The following EXOC7 variants were observed in gnomAD, a reference collection of about 807,000 sequenced individuals.
EXOC7 encodes the protein exocyst complex component Exo70.
In EXOC7, 51 loss-of-function variants were observed where a neutral mutation model predicts 87.6. The ratio of observed to expected loss-of-function variants is 0.58; its 90% confidence interval spans 0.46 to 0.73. The LOEUF is 0.73. Ranked by LOEUF, EXOC7 falls within the 30% of genes least tolerant of loss-of-function variation. EXOC7 has a pLI of 0.00. For synonymous variants in EXOC7, 327 were observed against 357.1 expected, an observed-to-expected ratio of 0.92 and a Z score of 0.95; for missense variants, 744 against 888.4, an observed-to-expected ratio of 0.84 and a Z score of 2.07.
At chr17:76,092,744 A>G (rs1304811168) in intron 6 of EXOC7, 1 of 152,170 alleles carries the variant, frequency 6.6e-6, no homozygotes, top group Non-Finnish European at 1.5e-5. Context: ...GCACGCCGGC[A>G]GGATGTGGGT....
chr17:76,085,354 G>A lies in EXOC7; in HGVS notation c.1672C>T (p.Arg558Trp), dbSNP rs1443635985. Residue 558 changes from arginine (R) to tryptophan (W), a missense_variant, in exon 15 of 19, where the codon CGG becomes TGG. Physicochemically the swap from Arg to Trp is moderately radical, Grantham distance 101. Coordinates refer to ENST00000589210, the MANE Select transcript of EXOC7 (RefSeq NM_001013839.4). ...TGGATCTGCTGCTCAATGTGCTCCC[G>A]GTAGGAGCGCTCAGCAGTCTTCTGT... ...VTQKTAERSY[R>W]EHIEQQIQTY... 5.0e-6 allele frequency: 8 copies of A among 1,609,466 alleles called. No homozygotes were observed. The highest frequency in any genetic ancestry group is 1.1e-5 in the South Asian group (1 of 90,172).
At chr17:76,101,112 A>G in intron 4 of EXOC7, 159 bp downstream of exon 4, 2 of 1,254,520 alleles carry the variant, frequency 1.6e-6, no homozygotes, top group Non-Finnish European at 2.0e-6. Flanking sequence ...AAAATGTGCA[A>G]TTCTTGAAGC....
chr17:76,089,402 C>G, intron 7 of EXOC7, 82 bp from the exon 8 acceptor site: 1 of 1,539,762 alleles, frequency 6.5e-7, no homozygotes, highest in Non-Finnish European at 8.9e-7. Flanking sequence ...CCCCCAGCTC[C>G]TGGCCTGTAC....
Position 76,082,754 on chromosome 17 carries a change from C to A in EXOC7, c.*894G>T. 8.6e-7 allele frequency: 1 copy of A among 1,162,522 alleles called. No homozygotes were observed. The highest frequency in any genetic ancestry group is 1.7e-5 in the South Asian group (1 of 59,348). The allele number at this position is 1,162,522 out of a possible 1,614,324, so 72.0% of individuals were successfully genotyped here. A position where few individuals can be genotyped will look rare whatever the true frequency, so the allele number is the denominator to read the frequency against. ...TCTGGATTAAGCCACCCTGAGCTCTCCCTCCGCTAGCACACAAGCACAGAG... is the reference window on the plus strand; with the variant it reads ...TCTGGATTAAGCCACCCTGAGCTCTACCTCCGCTAGCACACAAGCACAGAG... On this transcript the variant is annotated 3_prime_UTR_variant, in exon 19 of 19. Coordinates refer to ENST00000589210, the MANE Select transcript of EXOC7 (RefSeq NM_001013839.4).
chr17:76,092,267 ACCG>A (rs2067522760), intron 6 of EXOC7: 2 of 145,862 alleles, frequency 1.4e-5, no homozygotes, highest in African/African-American at 5.2e-5. Flanking sequence ...ACCGCACCGC[ACCG>A]CACAACACCA....
Position 76,083,378 on chromosome 17 carries a change from T to C in EXOC7, c.*270A>G, listed in dbSNP as rs961787413. The C allele has an allele frequency of 6.5e-6, 3 of 461,792 alleles. No homozygotes were observed. Among genetic ancestry groups the C allele is most frequent in the Non-Finnish European group, 1.2e-5 (3 of 250,986 alleles). 28.6% of individuals were successfully genotyped at this position (461,792 alleles called of 1,614,324 possible). ...AGGCCTCTGTCTTCCTTCTCTCTTT[T>C]CCTGTTTCAGAAGCCATCAGGGTCA... On this transcript the variant is annotated 3_prime_UTR_variant, in exon 19 of 19. Transcript: ENST00000589210.
Position 76,088,114 on chromosome 17 carries a change from C to T in EXOC7, c.1308G>A (p.Pro436=), listed in dbSNP as rs762794112. ...EDFADNIKND[P]DKEYNMPKDG... The stretch of plus-strand genomic sequence containing the variant: ...CCTTCGGCATGTTGTACTCCTTGTC[C>T]GGGTCATTCTGTGGAAAAACAGCCT... The change falls in exon 11 of 19, where the codon CCG becomes CCA. Residue 436 remains proline, a synonymous_variant. Transcript: ENST00000589210. The T allele has an allele frequency of 1.7e-5, 27 of 1,613,766 alleles. No homozygotes were observed. Among genetic ancestry groups the T allele is most frequent in the East Asian group, 1.1e-4 (5 of 44,884 alleles).
At chr17:76,093,526 C>A (rs1264949225) in intron 6 of EXOC7, 3 of 152,770 alleles carry the variant, frequency 2.0e-5, no homozygotes, top group African/African-American at 7.2e-5. Context: ...TTGTCATAAG[C>A]AGGTGCCACA....
At chr17:76,090,614 C>T (rs1471501564) in intron 7 of EXOC7, 2 of 786,022 alleles carry the variant, frequency 2.5e-6, no homozygotes, top group Middle Eastern at 3.5e-4. Flanking sequence ...CACCCAGGAC[C>T]GTCCTTAGCT....
At chr17:76,102,959 A>C (rs1001059185) in intron 2 of EXOC7, 1 of 171,072 alleles carries the variant, frequency 5.8e-6, no homozygotes, top group African/African-American at 2.4e-5. Context: ...TTCTTTCCCT[A>C]AAGTCCTCTG....
chr17:76,103,395 C>T lies in EXOC7; in HGVS notation c.92G>A (p.Ser31Asn). The T allele has an allele frequency of 6.2e-7, 1 of 1,607,816 alleles. No individual in the cohort carries two copies. The highest frequency in any genetic ancestry group is 8.5e-7 in the Non-Finnish European group (1 of 1,177,312). Residue 31 changes from serine to asparagine, a missense_variant, in exon 2 of 19, where the codon AGC becomes AAC. Coordinates refer to ENST00000589210, the MANE Select transcript of EXOC7 (RefSeq NM_001013839.4). ...EEETLSFIRD[S>N]LEKSDQLTKN... Reference sequence around the variant, plus strand: ...AGTGAGCTGGTCGCTCTTCTCCAGGCTGTCTCGGATGAAGGACAGAGTCTC... The same window carrying T: ...AGTGAGCTGGTCGCTCTTCTCCAGGTTGTCTCGGATGAAGGACAGAGTCTC...
rs1005207890 is a variant in EXOC7 at position 76,081,191 on chromosome 17, T to A, written c.*2457A>T. 1.9e-6 allele frequency: 3 copies of A among 1,560,196 alleles called. No individual in the cohort carries two copies. Among genetic ancestry groups the A allele is most frequent in the Admixed American group, 1.8e-5 (1 of 54,378 alleles). ...TGCCAAAAGCCATCAAAAGTCTCCA[T>A]CACCCCTGGGCTCCAGTCTGCTACC... On this transcript the variant is annotated 3_prime_UTR_variant, in exon 19 of 19. Transcript: ENST00000589210.
chr17:76,084,618 G>C, intron 15 of EXOC7, 38 bp from the exon 16 acceptor site: 1 of 1,589,414 alleles, frequency 6.3e-7, no homozygotes, highest in Non-Finnish European at 8.6e-7. Flanking sequence ...GCAGAGGGTG[G>C]CCTGCCTCAG....
chr17:76,086,371 A>G (rs1041012913), intron 12 of EXOC7, among the ~76,000 whole-genome samples: 1 of 152,196 alleles, frequency 6.6e-6, no homozygotes, highest in Non-Finnish European at 1.5e-5. Flanking sequence ...GAGCTGGCCC[A>G]TGTCAGCAGA....
intron 12 of EXOC7, chr17:76,086,862 T>C: frequency 6.4e-7 from 1 of 1,550,830 alleles, no homozygotes; most frequent in Non-Finnish European, 8.7e-7. Flanking sequence ...ACCTCGGGGG[T>C]CTAAAGGAAT....
chr17:76,100,035 G>A (rs553634272), intron 4 of EXOC7, among the ~76,000 whole-genome samples: 2 of 152,206 alleles, frequency 1.3e-5, no homozygotes, highest in African/African-American at 2.4e-5. Flanking sequence ...CCAGGAGTTC[G>A]AGGCTGCAGT....
In EXOC7 at chr17:76,081,621, T is replaced by G. The variant is rs964614160; in HGVS notation, c.*2027A>C. 4.3e-6 allele frequency: 7 copies of G among 1,613,932 alleles called. No homozygotes were observed. Among genetic ancestry groups the G allele is most frequent in the Non-Finnish European group, 5.9e-6 (7 of 1,180,046 alleles). ...GCAGAGGCACTGCTGTTGGCTGACG[T>G]GTGCGGGGGGTTGCTGCCCCTCCGG... On this transcript the variant is annotated 3_prime_UTR_variant, in exon 19 of 19. Transcript: ENST00000589210.
chr17:76,087,883 C>T lies in EXOC7; in HGVS notation c.1363-163G>A, dbSNP rs544942753. 51 of 944,012 alleles carry T rather than the reference C, an allele frequency of 5.4e-5. No individual in the cohort carries two copies. In the East Asian group the frequency reaches 1.3e-3, roughly 25 times the overall value. 58.5% of individuals were successfully genotyped at this position (944,012 alleles called of 1,614,324 possible). On this transcript the variant is annotated intron_variant, in intron 11 of 18. Transcript: ENST00000589210. ...TCACTCTAGCCTGCCAGGAAAGGCCCTGTCTGCTAGAGACACTAAACATGT... is the reference window on the plus strand; with the variant it reads ...TCACTCTAGCCTGCCAGGAAAGGCCTTGTCTGCTAGAGACACTAAACATGT...
At chr17:76,092,095 G>A (rs1598321470) in intron 6 of EXOC7, among the ~76,000 whole-genome samples, 2 of 152,240 alleles carry the variant, frequency 1.3e-5, no homozygotes, top group Middle Eastern at 3.4e-3. Flanking sequence ...GCAGACAAGT[G>A]CAGCTGCCTT....
Sources: gnomAD v4.1 joint callset for allele counts (sites outside exome capture counted in the v4.1 genomes callset) on GRCh38, gnomAD v4.1.1 for gene constraint, MANE v1.5 for transcripts, NCBI Gene and HGNC (gene_info 2026-07-23, HGNC 2026-07-21) for gene names.